The following SLCO1B1 variants were observed in gnomAD, a reference collection of about 807,000 sequenced individuals.
SLCO1B1 encodes OATP-2.
A neutral mutation model predicts 70.1 loss-of-function variants in SLCO1B1; 81 were observed. The observed-to-expected ratio is 1.16, with a 90% CI of 0.97 to 1.39. The LOEUF (loss-of-function observed/expected upper bound fraction) is 1.39. Ranked by LOEUF, SLCO1B1 falls within the 40% of genes most tolerant of loss-of-function variation. SLCO1B1 has a pLI of 0.00. For missense variants in SLCO1B1, 895 were observed against 799.6 expected (o/e 1.12, Z -1.44); for synonymous variants, 283 against 271.5 (o/e 1.04, Z -0.42).
Position 21,203,085 on chromosome 12 carries a change from TGGA to T in SLCO1B1, c.1331+400_1331+402del, listed in dbSNP as rs779263769. Among the ~76,000 whole-genome samples, 1,175 of 152,190 alleles carry T rather than the reference TGGA, an allele frequency of 7.7e-3. 8 individuals are homozygous for T. Among genetic ancestry groups the T allele is most frequent in the Non-Finnish European group, 0.012 (782 of 67,982 alleles). On this transcript the variant is annotated intron_variant, in intron 10 of 14. Transcript: ENST00000256958. ...TCTTAACCACCACTGTAATCTTGGA[TGGA>T]TCATAAGAGTTACATAAATGGCATT...
chr12:21,154,261 G>C (rs1468698442), intron 2 of SLCO1B1, among the ~76,000 whole-genome samples: 1 of 152,018 alleles, frequency 6.6e-6, no homozygotes, highest in African/African-American at 2.4e-5. Flanking sequence ...AGAAGGTGGA[G>C]ACTTTGGAAA....
chr12:21,151,679 T>G (rs1414791858), intron 2 of SLCO1B1, among the ~76,000 whole-genome samples: 1 of 152,168 alleles, frequency 6.6e-6, no homozygotes, highest in Non-Finnish European at 1.5e-5. Flanking sequence ...TTTTAACACC[T>G]TGCAAGGCTG....
intron 2 of SLCO1B1, among the ~76,000 whole-genome samples, chr12:21,154,274 G>A (rs768168704): frequency 6.6e-6 from 1 of 152,056 alleles, no homozygotes; most frequent in Non-Finnish European, 1.5e-5. Flanking sequence ...TTTGGAAAGT[G>A]ATTAGTTCAT....
chr12:21,194,952 G>A (rs956442201), intron 7 of SLCO1B1, among the ~76,000 whole-genome samples: 1 of 152,144 alleles, frequency 6.6e-6, no homozygotes, highest in African/African-American at 2.4e-5. Context: ...GGGGAGGCAA[G>A]GTGCCACACA....
chr12:21,190,725 G>C (rs1241188641), intron 7 of SLCO1B1, among the ~76,000 whole-genome samples: 1 of 151,762 alleles, frequency 6.6e-6, no homozygotes, highest in African/African-American at 2.4e-5. Context: ...GTATGTCTTT[G>C]TATCTTCATG....
chr12:21,150,261 C>T (rs564726483), intron 2 of SLCO1B1, among the ~76,000 whole-genome samples: 11 of 149,668 alleles, frequency 7.3e-5, no homozygotes, highest in South Asian at 4.1e-4. Flanking sequence ...CAGCTGTGGG[C>T]GCAGCTTCAG....
chr12:21,188,894 T>G (rs941590748), intron 7 of SLCO1B1, among the ~76,000 whole-genome samples: 6 of 152,226 alleles, frequency 3.9e-5, no homozygotes, highest in African/African-American at 1.4e-4. Flanking sequence ...ACTGGTTCAT[T>G]TTGCCTAATG....
chr12:21,173,247 AC>A (rs1333108761), intron 3 of SLCO1B1, among the ~76,000 whole-genome samples: 1 of 152,314 alleles, frequency 6.6e-6, no homozygotes, highest in East Asian at 1.9e-4. Flanking sequence ...CCTTTGAAAT[AC>A]TGAAGATATT....
chr12:21,197,160 A>G lies in SLCO1B1; in HGVS notation c.942A>G (p.Gln314=). 1 of 1,613,460 alleles carries G rather than the reference A, an allele frequency of 6.2e-7. No homozygotes were observed. Among genetic ancestry groups the G allele is most frequent in the African/African-American group, 1.3e-5 (1 of 75,020 alleles). ...ATCAAACAGCTAATTTGACCAATCA[A>G]GGAAAAAATATTACCAAAAATGTGA... ...EKDQTANLTN[Q]GKNITKNVTG... The change falls in exon 8 of 15, where the codon CAA becomes CAG. Residue 314 remains glutamine (Q), a synonymous_variant. Transcript: ENST00000256958.
intron 7 of SLCO1B1, among the ~76,000 whole-genome samples, chr12:21,195,005 T>C: frequency 6.6e-6 from 1 of 152,080 alleles, no homozygotes; most frequent in East Asian, 1.9e-4. Context: ...TCATACACTA[T>C]TGCAAGGACA....
chr12:21,143,725 T>C (rs1032676529), intron 2 of SLCO1B1, among the ~76,000 whole-genome samples: 1 of 152,024 alleles, frequency 6.6e-6, no homozygotes, highest in South Asian at 2.1e-4. Flanking sequence ...CTAAAATAAA[T>C]GTGGATTTTT....
At chr12:21,139,295 T>C (rs1038289314) in intron 1 of SLCO1B1, among the ~76,000 whole-genome samples, 1 of 152,094 alleles carries the variant, frequency 6.6e-6, no homozygotes, top group African/African-American at 2.4e-5. Context: ...CTTATTACCT[T>C]GAGACTAAAC....
intron 10 of SLCO1B1, among the ~76,000 whole-genome samples, chr12:21,204,193 C>G (rs1941187631): frequency 6.6e-6 from 1 of 151,622 alleles, no homozygotes; most frequent in Non-Finnish European, 1.5e-5. Flanking sequence ...CTGAATATCT[C>G]TAAGGATCCC....
At chr12:21,220,512 G>T (rs1010829130) in intron 12 of SLCO1B1, among the ~76,000 whole-genome samples, 2 of 152,020 alleles carry the variant, frequency 1.3e-5, no homozygotes, top group African/African-American at 4.8e-5. Context: ...AAAATCCATG[G>T]AACTAATGAG....
intron 12 of SLCO1B1, among the ~76,000 whole-genome samples, chr12:21,218,142 G>T (rs936029854): frequency 6.6e-6 from 1 of 152,074 alleles, no homozygotes; most frequent in Non-Finnish European, 1.5e-5. Flanking sequence ...CCAGGAGAGG[G>T]TCTTGGTGCT....
At chr12:21,206,111 G>C (rs957362228) in intron 11 of SLCO1B1, 78 bp downstream of exon 11, 33 of 1,169,962 alleles carry the variant, frequency 2.8e-5, no homozygotes, top group Non-Finnish European at 2.4e-5. Flanking sequence ...AAATATTTCT[G>C]TAACTAAGGA....
intron 14 of SLCO1B1, among the ~76,000 whole-genome samples, chr12:21,231,921 T>A (rs1248971109): frequency 6.6e-6 from 1 of 152,168 alleles, no homozygotes; most frequent in Non-Finnish European, 1.5e-5. Context: ...TTCTGGCTTT[T>A]GAACTTCTTT....
intron 7 of SLCO1B1, among the ~76,000 whole-genome samples, chr12:21,192,940 T>A (rs1941047020): frequency 6.6e-6 from 1 of 152,126 alleles, no homozygotes; most frequent in Non-Finnish European, 1.5e-5. Flanking sequence ...TTTTCTAATT[T>A]CCCTTTTGAT....
intron 11 of SLCO1B1, among the ~76,000 whole-genome samples, chr12:21,208,999 G>T (rs1406940371): frequency 2.0e-5 from 3 of 151,434 alleles, no homozygotes; most frequent in Non-Finnish European, 4.4e-5. Context: ...ATTAGAGTAT[G>T]TTGTCAGTTC....
Sources: gnomAD v4.1 joint callset for allele counts (sites outside exome capture counted in the v4.1 genomes callset) on GRCh38, gnomAD v4.1.1 for gene constraint, MANE v1.5 for transcripts, NCBI Gene and HGNC (gene_info 2026-07-23, HGNC 2026-07-21) for gene names.